The following CHRNA7 variants were observed in gnomAD, a reference collection of about 807,000 sequenced individuals.
The protein encoded by CHRNA7 is neuronal acetylcholine receptor subunit alpha-7.
A neutral mutation model predicts 48.0 loss-of-function variants in CHRNA7; 17 were observed. The observed-to-expected ratio is 0.35, with a 90% confidence interval of 0.24 to 0.53. The LOEUF is 0.53. Ranked by LOEUF, CHRNA7 falls within the 20% of genes least tolerant of loss-of-function variation. CHRNA7 has a pLI of 0.92. For missense variants in CHRNA7, 155 were observed against 577.7 expected, an observed-to-expected ratio of 0.27 and a Z score of 7.50; for synonymous variants, 75 against 242.3, an observed-to-expected ratio of 0.31 and a Z score of 6.41.
chr15:32,069,731 A>AT (rs1201602492), intron 2 of CHRNA7, among the ~76,000 whole-genome samples: 1 of 152,168 alleles, frequency 6.6e-6, no homozygotes, highest in Non-Finnish European at 1.5e-5. Flanking sequence ...ATTATGGCTC[A>AT]TTTTTTAAGT....
chr15:32,041,467 G>A (rs911069376), intron 2 of CHRNA7, among the ~76,000 whole-genome samples: 1 of 152,232 alleles, frequency 6.6e-6, no homozygotes, highest in African/African-American at 2.4e-5. Flanking sequence ...ATGTCACGCT[G>A]CCGCTGATCT....
chr15:32,078,264 T>C (rs1475023141), intron 2 of CHRNA7, among the ~76,000 whole-genome samples: 3 of 152,196 alleles, frequency 2.0e-5, no homozygotes, highest in African/African-American at 7.2e-5. Flanking sequence ...TCGTAGATCA[T>C]CCTTTGGTGT....
intron 2 of CHRNA7, among the ~76,000 whole-genome samples, chr15:32,084,833 CTTTTT>C (rs56806689): frequency 2.9e-5 from 4 of 139,294 alleles, no homozygotes; most frequent in Admixed American, 7.1e-5. Context: ...ACCTCTGACT[CTTTTT>C]TTTTTTTTTT....
chr15:32,051,654 G>A (rs765288082), intron 2 of CHRNA7, among the ~76,000 whole-genome samples: 5 of 152,126 alleles, frequency 3.3e-5, no homozygotes, highest in Admixed American at 2.6e-4. Flanking sequence ...GCGCTGCACC[G>A]ACTGTGCTGC....
chr15:32,057,351 T>G (rs185208386), intron 2 of CHRNA7, among the ~76,000 whole-genome samples: 438 of 152,330 alleles, frequency 2.9e-3, no homozygotes, highest in Middle Eastern at 0.01. Flanking sequence ...TTTTTTTGTT[T>G]GTTTTTGTTT....
intron 2 of CHRNA7, among the ~76,000 whole-genome samples, chr15:32,095,081 CTAGCCCACATGGCTAG>C (rs2050445368): frequency 6.6e-6 from 1 of 152,262 alleles, no homozygotes; most frequent in South Asian, 2.1e-4. Context: ...GGGACTACCC[CTAGCCCACATGGCTAG>C]TGAATAGCAG....
At chr15:32,038,119 CAT>C (rs1373561394) in intron 2 of CHRNA7, among the ~76,000 whole-genome samples, 2 of 143,072 alleles carry the variant, frequency 1.4e-5, no homozygotes, top group East Asian at 3.9e-4. Flanking sequence ...AATATGTGTA[CAT>C]GTTTACATTT....
In CHRNA7 at chr15:32,030,906, C is replaced by A. The variant is rs1383794681; in HGVS notation, c.64C>A (p.Gln22Lys). The A allele has an allele frequency of 8.1e-6, 13 of 1,613,904 alleles. No homozygotes were observed. Among genetic ancestry groups the A allele is most frequent in the Non-Finnish European group, 1.1e-5 (13 of 1,179,986 alleles). The change falls in exon 2 of 10, where the codon CAA becomes AAA. Residue 22 changes from glutamine (Q) to lysine (K), a missense_variant. Physicochemically the swap from Gln to Lys is moderately conservative, Grantham distance 53. Transcript: ENST00000306901. ...LAASLLHVSL[Q>K]GEFQRKLYKE... ...GGTCTTCTCTCCTTAAGTGTCCCTGCAAGGCGAGTTCCAGAGGAAGCTTTA... is the reference window on the plus strand; with the variant it reads ...GGTCTTCTCTCCTTAAGTGTCCCTGAAAGGCGAGTTCCAGAGGAAGCTTTA...
intron 2 of CHRNA7, among the ~76,000 whole-genome samples, chr15:32,049,743 C>T (rs375733199): frequency 6.6e-6 from 1 of 152,122 alleles, no homozygotes; most frequent in African/African-American, 2.4e-5. Context: ...TCCTAGTCTC[C>T]ATGGTCTTTA....
At chr15:32,104,206 G>T (rs1235108373) in intron 3 of CHRNA7, among the ~76,000 whole-genome samples, 1 of 151,698 alleles carries the variant, frequency 6.6e-6, no homozygotes, top group Non-Finnish European at 1.5e-5. Context: ...CCTCCCCTCT[G>T]TTCTTTGTTT....
intron 3 of CHRNA7, chr15:32,103,113 A>G (rs2050601169): frequency 6.6e-6 from 1 of 152,226 alleles, no homozygotes. Flanking sequence ...GAATGGGAGA[A>G]GTGAAAATGG....
intron 2 of CHRNA7, among the ~76,000 whole-genome samples, chr15:32,069,879 T>C (rs1014669225): frequency 6.6e-6 from 1 of 152,090 alleles, no homozygotes; most frequent in African/African-American, 2.4e-5. Context: ...ATTTTGAAAA[T>C]CAGCGAAACA....
intron 4 of CHRNA7, among the ~76,000 whole-genome samples, chr15:32,113,356 T>TA (rs2050795109): frequency 6.6e-6 from 1 of 152,130 alleles, no homozygotes; most frequent in African/African-American, 2.4e-5. Context: ...ATTACCTTTT[T>TA]AAAGGTTCTG....
At chr15:32,065,188 C>A (rs1320263017) in intron 2 of CHRNA7, among the ~76,000 whole-genome samples, 1 of 152,148 alleles carries the variant, frequency 6.6e-6, no homozygotes, top group African/African-American at 2.4e-5. Flanking sequence ...GACATTTTAA[C>A]CTGCCCTATT....
At chr15:32,075,159 T>C (rs1226048144) in intron 2 of CHRNA7, among the ~76,000 whole-genome samples, 1 of 152,196 alleles carries the variant, frequency 6.6e-6, no homozygotes, top group East Asian at 1.9e-4. Flanking sequence ...CTATGAGAGA[T>C]ATTCATCTAT....
intron 3 of CHRNA7, among the ~76,000 whole-genome samples, chr15:32,106,750 C>T (rs2050676193): frequency 6.6e-6 from 1 of 152,228 alleles, no homozygotes; most frequent in African/African-American, 2.4e-5. Flanking sequence ...TGACCATTCT[C>T]CTGGCATTTG....
chr15:32,105,438 CGGA>C (rs1274766311), intron 3 of CHRNA7, among the ~76,000 whole-genome samples: 6 of 128,112 alleles, frequency 4.7e-5, no homozygotes, highest in Non-Finnish European at 9.7e-5. Flanking sequence ...GGAAAAGAGG[CGGA>C]GGAGAAGGAG....
At chr15:32,130,919 G>T (rs2051144315) in intron 4 of CHRNA7, among the ~76,000 whole-genome samples, 1 of 151,816 alleles carries the variant, frequency 6.6e-6, no homozygotes, top group South Asian at 2.1e-4. Flanking sequence ...ATTCCTGAAA[G>T]ATATTTTAAC....
Position 32,031,808 on chromosome 15 carries a change from A to G in CHRNA7, c.195+771A>G, listed in dbSNP as rs140635853. Among the ~76,000 whole-genome samples, 306 of 152,324 alleles carry G rather than the reference A, an allele frequency of 2.0e-3. 1 individual carries two copies. Among genetic ancestry groups the G allele is most frequent in the South Asian group, 6.6e-3 (32 of 4,824 alleles). ...CATGGTATATTCTCCATACAATACA[A>G]ATACTTCACACAAGTGTTTAATTCA... On this transcript the variant is annotated intron_variant, in intron 2 of 9. Coordinates refer to ENST00000306901, the MANE Select transcript of CHRNA7 (RefSeq NM_000746.6).
Sources: gnomAD v4.1 joint callset for allele counts (sites outside exome capture counted in the v4.1 genomes callset) on GRCh38, gnomAD v4.1.1 for gene constraint, MANE v1.5 for transcripts, NCBI Gene and HGNC (gene_info 2026-07-23, HGNC 2026-07-21) for gene names.